The following SHISA9 variants were observed in gnomAD, a reference collection of about 807,000 sequenced individuals.
SHISA9 encodes the protein protein shisa-9.
A neutral mutation model predicts 38.0 loss-of-function variants in SHISA9; 13 were observed. The observed-to-expected ratio is 0.34, with a 90% confidence interval of 0.22 to 0.54. SHISA9 has a LOEUF of 0.54. Ranked by LOEUF, SHISA9 falls within the 20% of genes least tolerant of loss-of-function variation. The pLI, the probability that SHISA9 is intolerant of heterozygous loss-of-function variation, is 0.91. For missense variants in SHISA9, 538 were observed against 575.8 expected (o/e 0.93, Z 0.67); for synonymous variants, 275 against 242.0 (o/e 1.14, Z -1.27).
intron 2 of SHISA9, among the ~76,000 whole-genome samples, chr16:13,136,515 C>A (rs910661872): frequency 6.7e-6 from 1 of 149,716 alleles, no homozygotes; most frequent in African/African-American, 2.5e-5. Context: ...TCTCCTGCCT[C>A]AGCCTCCTGA....
chr16:13,065,812 CT>C (rs2073427901), intron 2 of SHISA9, among the ~76,000 whole-genome samples: 1 of 152,220 alleles, frequency 6.6e-6, no homozygotes, highest in Non-Finnish European at 1.5e-5. Context: ...CAGGATGACT[CT>C]GCAGGTCTTT....
intron 2 of SHISA9, among the ~76,000 whole-genome samples, chr16:12,954,308 A>C (rs907886689): frequency 2.4e-4 from 37 of 152,212 alleles, no homozygotes; most frequent in African/African-American, 8.9e-4. Context: ...GAAACAGCAA[A>C]TGTGGGCAGA....
At chr16:13,071,148 C>T (rs947688688) in intron 2 of SHISA9, among the ~76,000 whole-genome samples, 3 of 152,040 alleles carry the variant, frequency 2.0e-5, no homozygotes, top group Admixed American at 6.6e-5. Flanking sequence ...GACAGAGAAC[C>T]GTGCCCTTAA....
At position 13,236,221 on chromosome 16, in the gene SHISA9, C is replaced by T. The variant is rs1380316207; in HGVS notation, c.*812C>T. The T allele has an allele frequency of 1.3e-5, 2 of 151,612 alleles. No homozygotes were observed. Among genetic ancestry groups the T allele is most frequent in the African/African-American group, 2.4e-5 (1 of 41,310 alleles). The allele number at this position is 151,612 out of a possible 1,614,324, so 9.4% of individuals were successfully genotyped here. A position where few individuals can be genotyped will look rare whatever the true frequency, so the allele number is the denominator to read the frequency against. On this transcript the variant is annotated 3_prime_UTR_variant, in exon 5 of 5. Transcript: ENST00000558583. ...GGGATGGGCTTTTACGGAGAGGGTC[C>T]GGAGAGTATCAAATAACTTTTTAAA...
At chr16:13,431,554 C>CTGTT in the SHISA9 span, among the ~76,000 whole-genome samples, 2 of 152,186 alleles carry the variant, frequency 1.3e-5, no homozygotes, top group African/African-American at 4.8e-5. Flanking sequence ...ATTTGGTCCA[C>CTGTT]TGTTTTCTTG....
At chr16:13,307,461 G>A in the SHISA9 span, among the ~76,000 whole-genome samples, 3 of 152,206 alleles carry the variant, frequency 2.0e-5, no homozygotes, top group Non-Finnish European at 4.4e-5. Flanking sequence ...TCTAGTAGAA[G>A]CACGTGGTCG....
At chr16:13,271,174 C>G in the SHISA9 span, among the ~76,000 whole-genome samples, 1 of 152,176 alleles carries the variant, frequency 6.6e-6, no homozygotes, top group Admixed American at 6.5e-5. Flanking sequence ...TTTGACCAAG[C>G]TCAATGCAGA....
At chr16:13,451,464 C>A in the SHISA9 span, among the ~76,000 whole-genome samples, 1 of 152,270 alleles carries the variant, frequency 6.6e-6, no homozygotes, top group South Asian at 2.1e-4. Flanking sequence ...AATTATAGAT[C>A]CTCAAATTCA....
intron 2 of SHISA9, among the ~76,000 whole-genome samples, chr16:13,141,893 C>A (rs1038852296): frequency 6.6e-6 from 1 of 152,158 alleles, no homozygotes; most frequent in Non-Finnish European, 1.5e-5. Flanking sequence ...CTCCCTTTAC[C>A]TCCTCCATCC....
chr16:12,938,053 C>G (rs2071557130), intron 2 of SHISA9, among the ~76,000 whole-genome samples: 1 of 152,234 alleles, frequency 6.6e-6, no homozygotes, highest in African/African-American at 2.4e-5. Context: ...CCACCAGTCT[C>G]TCCTTGATGA....
intron 2 of SHISA9, among the ~76,000 whole-genome samples, chr16:13,096,984 T>C (rs1378423451): frequency 6.6e-6 from 1 of 152,138 alleles, no homozygotes; most frequent in Non-Finnish European, 1.5e-5. Context: ...CACATCTCAC[T>C]CTCTCAAGTC....
chr16:13,232,284 G>T (rs1596754604), intron 4 of SHISA9, among the ~76,000 whole-genome samples: 1 of 151,832 alleles, frequency 6.6e-6, no homozygotes, highest in East Asian at 1.9e-4. Flanking sequence ...TATAATAAAA[G>T]AATTCAGAAA....
chr16:13,460,324 T>C, the SHISA9 span, among the ~76,000 whole-genome samples: 1,147 of 152,254 alleles, frequency 7.5e-3, 10 homozygotes, highest in African/African-American at 0.026. Context: ...ATCATAATGA[T>C]ATCAAGACTC....
intron 2 of SHISA9, among the ~76,000 whole-genome samples, chr16:12,980,842 C>G (rs1024249462): frequency 4.0e-5 from 6 of 151,852 alleles, no homozygotes; most frequent in African/African-American, 1.5e-4. Context: ...TGTCCATTAT[C>G]CATTCATTGT....
the SHISA9 span, among the ~76,000 whole-genome samples, chr16:13,462,789 G>A: frequency 4.6e-5 from 7 of 151,738 alleles, no homozygotes; most frequent in South Asian, 2.1e-4. Context: ...TGGTGAAACC[G>A]CGTCTCTACT....
the SHISA9 span, among the ~76,000 whole-genome samples, chr16:13,557,504 A>G: frequency 2.0e-5 from 3 of 152,146 alleles, no homozygotes; most frequent in African/African-American, 7.2e-5. Context: ...TCATAGCAAG[A>G]TTAATTTGGG....
At chr16:13,067,333 C>T (rs1363091890) in intron 2 of SHISA9, among the ~76,000 whole-genome samples, 2 of 152,190 alleles carry the variant, frequency 1.3e-5, no homozygotes, top group Non-Finnish European at 2.9e-5. Flanking sequence ...AGAAGCTGGG[C>T]TCTGGCATTT....
At chr16:12,971,385 C>A (rs1168491624) in intron 2 of SHISA9, among the ~76,000 whole-genome samples, 2 of 152,160 alleles carry the variant, frequency 1.3e-5, no homozygotes, top group African/African-American at 4.8e-5. Flanking sequence ...GAGACTGTGC[C>A]CAGCTGGGTT....
At chr16:13,435,251 A>G in the SHISA9 span, among the ~76,000 whole-genome samples, 4 of 151,956 alleles carry the variant, frequency 2.6e-5, no homozygotes, top group Non-Finnish European at 4.4e-5. Context: ...AGTAAATGTA[A>G]CTGAGATAAC....
Sources: allele counts gnomAD v4.1 joint callset (sites outside exome capture counted in the v4.1 genomes callset), GRCh38; gene constraint gnomAD v4.1.1; transcripts MANE v1.5; gene names NCBI Gene and HGNC (gene_info 2026-07-23, HGNC 2026-07-21).